SLC14A2: variants seen among roughly 807,000 people sequenced by gnomAD.
The protein encoded by SLC14A2 is urea transporter 2.
In SLC14A2, 91 loss-of-function variants were observed where a neutral mutation model predicts 104.6. The observed-to-expected ratio is 0.87, with a 90% CI of 0.73 to 1.04. The LOEUF (loss-of-function observed/expected upper bound fraction) is 1.04, where lower values mean the gene tolerates loss of function less well. Among genes scored for constraint, SLC14A2 ranks in the 50% least tolerant of loss-of-function variants. The pLI is 0.00. For missense variants in SLC14A2, 1,189 were observed against 1,156.0 expected (o/e 1.03, Z -0.41); for synonymous variants, 476 against 466.4 (o/e 1.02, Z -0.27).
rs532060829 is a variant in SLC14A2 at position 45,388,936 on chromosome 18, A to G, written c.-124-94297A>G. Among the ~76,000 whole-genome samples, 2 of 152,370 alleles carry G rather than the reference A, an allele frequency of 1.3e-5. 1 individual carries two copies. The highest frequency in any genetic ancestry group is 4.1e-4 in the South Asian group (2 of 4,830). On this transcript the variant is annotated intron_variant, in intron 1 of 20. Coordinates refer to the SLC14A2 transcript ENST00000586448. ...TAGCATCTAGTGAAGATTTTAAAAT[A>G]TTGAATAAATAAGGGAAAATAGAAG...
intron 1 of SLC14A2, among the ~76,000 whole-genome samples, chr18:45,310,110 T>C (rs995003486): frequency 2.6e-5 from 4 of 152,240 alleles, no homozygotes; most frequent in African/African-American, 9.6e-5. Flanking sequence ...CTCAACTTAC[T>C]GTCGATGGAC....
In SLC14A2 at chr18:45,236,531, GTATA is replaced by G. The variant is rs1351173376; in HGVS notation, c.-125+23345_-125+23348del. On this transcript the variant is annotated intron_variant, in intron 1 of 20. Transcript: ENST00000586448. ...TATGTGTGTATATATGTGTATATAT[GTATA>G]TATACATGTATGTGTGTATATATGT... Among the ~76,000 whole-genome samples the G allele has an allele frequency of 3.8e-4, 46 of 119,894 alleles. 10 individuals are homozygous for G. Among genetic ancestry groups the G allele is most frequent in the African/African-American group, 1.6e-3 (46 of 27,896 alleles). 78.7% of individuals were successfully genotyped at this position (119,894 alleles called of 152,430 possible). A position where few individuals can be genotyped will look rare whatever the true frequency, so the allele number is the denominator to read the frequency against.
At chr18:45,327,309 T>G (rs2085245270) in intron 1 of SLC14A2, among the ~76,000 whole-genome samples, 4 of 152,136 alleles carry the variant, frequency 2.6e-5, no homozygotes, top group Admixed American at 2.6e-4. Context: ...GGCCTGCAAA[T>G]CAATAGCCCA....
intron 2 of SLC14A2, among the ~76,000 whole-genome samples, chr18:45,502,914 T>TG (rs1364207840): frequency 6.7e-6 from 1 of 150,304 alleles, no homozygotes; most frequent in East Asian, 1.9e-4. Context: ...GTCCTATTTC[T>TG]GGTTTTTTTT....
chr18:45,479,262 C>T (rs533245307), intron 1 of SLC14A2, among the ~76,000 whole-genome samples: 46 of 152,314 alleles, frequency 3.0e-4, no homozygotes, highest in Admixed American at 2.4e-3. Flanking sequence ...AAATCTCTAG[C>T]ACCTAACGCT....
chr18:45,227,812 T>C (rs766299296), intron 1 of SLC14A2, among the ~76,000 whole-genome samples: 17 of 152,214 alleles, frequency 1.1e-4, no homozygotes, highest in Non-Finnish European at 2.2e-4. Flanking sequence ...TTTACAGGCA[T>C]GTATTGTTTC....
intron 2 of SLC14A2, among the ~76,000 whole-genome samples, chr18:45,487,111 T>A (rs2087621859): frequency 6.6e-6 from 1 of 152,250 alleles, no homozygotes. Flanking sequence ...AGGGTCACAC[T>A]GGACTAAAAT....
At chr18:45,510,801 A>G (rs968024742) in intron 2 of SLC14A2, among the ~76,000 whole-genome samples, 3 of 152,314 alleles carry the variant, frequency 2.0e-5, no homozygotes. Context: ...GCAGAGCAGC[A>G]TTTCCAGCTG....
intron 1 of SLC14A2, among the ~76,000 whole-genome samples, chr18:45,411,327 G>A (rs989544600): frequency 2.0e-5 from 3 of 152,032 alleles, no homozygotes; most frequent in East Asian, 1.9e-4. Flanking sequence ...TAGTTCCTTT[G>A]CTTTTATTAA....
intron 18 of SLC14A2, among the ~76,000 whole-genome samples, chr18:45,676,485 G>T (rs2046231334): frequency 1.3e-5 from 2 of 151,764 alleles, no homozygotes; most frequent in Admixed American, 1.3e-4. Flanking sequence ...AATCTTAAAT[G>T]CCCAATTTAT....
At chr18:45,260,364 C>T (rs746709645) in intron 1 of SLC14A2, among the ~76,000 whole-genome samples, 1 of 152,236 alleles carries the variant, frequency 6.6e-6, no homozygotes, top group Non-Finnish European at 1.5e-5. Flanking sequence ...AAAGATCTTA[C>T]AGAGATCTTT....
chr18:45,437,354 TAG>T (rs59174068), intron 1 of SLC14A2, among the ~76,000 whole-genome samples: 81,987 of 151,592 alleles, frequency 0.54, 22,397 homozygotes, highest in Admixed American at 0.67. Context: ...ACCAGCCTCA[TAG>T]AGAGAGTCAT....
intron 2 of SLC14A2, among the ~76,000 whole-genome samples, chr18:45,571,182 C>G (rs1014469777): frequency 6.6e-6 from 1 of 152,210 alleles, no homozygotes; most frequent in Non-Finnish European, 1.5e-5. Flanking sequence ...AAATAACACA[C>G]TCAAAGACAC....
chr18:45,598,961 A>G (rs185718870), intron 2 of SLC14A2, among the ~76,000 whole-genome samples: 1 of 152,180 alleles, frequency 6.6e-6, no homozygotes, highest in Admixed American at 6.5e-5. Context: ...TCTCTTTCTG[A>G]ATCTTCTTCT....
At chr18:45,427,799 C>G (rs942140077) in intron 1 of SLC14A2, among the ~76,000 whole-genome samples, 2 of 151,998 alleles carry the variant, frequency 1.3e-5, no homozygotes, top group Non-Finnish European at 2.9e-5. Flanking sequence ...TGTGTGTTAC[C>G]AAGAGGACAG....
At chr18:45,249,563 C>T (rs1460202995) in intron 1 of SLC14A2, among the ~76,000 whole-genome samples, 1 of 152,198 alleles carries the variant, frequency 6.6e-6, no homozygotes, top group African/African-American at 2.4e-5. Context: ...TCTGGCCTCT[C>T]TGATTTTATC....
the SLC14A2 span, among the ~76,000 whole-genome samples, chr18:45,175,575 G>GA: frequency 6.6e-6 from 1 of 152,096 alleles, no homozygotes; most frequent in Admixed American, 6.6e-5. Flanking sequence ...ATGTTCCATG[G>GA]AAAATAGGAC....
intron 1 of SLC14A2, among the ~76,000 whole-genome samples, chr18:45,430,192 T>C (rs547466546): frequency 6.6e-6 from 1 of 152,240 alleles, no homozygotes; most frequent in Non-Finnish European, 1.5e-5. Context: ...TTTTGGCAGA[T>C]GGGAAAATAA....
chr18:45,682,626 T>C lies in SLC14A2; in HGVS notation c.*107T>C, dbSNP rs1008616463. 4.5e-6 allele frequency: 4 copies of C among 879,582 alleles called. No individual in the cohort carries two copies. Among genetic ancestry groups the C allele is most frequent in the African/African-American group, 1.6e-5 (1 of 60,630 alleles). 54.5% of individuals were successfully genotyped at this position (879,582 alleles called of 1,614,324 possible). ...TTCCCTTTGGTCTGTTCTGTGACTC[T>C]CTCCCCAAACACAAAGAAGCGTGTA... is the stretch of plus-strand genomic sequence containing the variant. On this transcript the variant is annotated 3_prime_UTR_variant, in exon 20 of 20. Transcript: ENST00000255226.
Sources: allele counts gnomAD v4.1 joint callset (sites outside exome capture counted in the v4.1 genomes callset), GRCh38; gene constraint gnomAD v4.1.1; transcripts MANE v1.5; gene names NCBI Gene and HGNC (gene_info 2026-07-23, HGNC 2026-07-21).